PDCD6: variants seen among roughly 807,000 people sequenced by gnomAD.
PDCD6 encodes programmed cell death protein 6.
In PDCD6, 12 loss-of-function variants were observed where a neutral mutation model predicts 28.3. The ratio of observed to expected loss-of-function variants is 0.42; its 90% CI spans 0.27 to 0.69. The LOEUF (loss-of-function observed/expected upper bound fraction) is 0.69, where lower values mean the gene tolerates loss of function less well. Among genes scored for constraint, PDCD6 ranks in the 30% least tolerant of loss-of-function variants. The probability of loss-of-function intolerance (pLI) is 0.22; values close to 1 mark genes in which losing one functional copy is unlikely to be tolerated. For synonymous variants in PDCD6, 92 were observed against 108.0 expected (o/e 0.85, Z 0.92); for missense variants, 226 against 269.9 (o/e 0.84, Z 1.14).
At chr5:294,038 A>G (rs1239634187) in intron 2 of PDCD6, among the ~76,000 whole-genome samples, 2 of 148,934 alleles carry the variant, frequency 1.3e-5, no homozygotes, top group Non-Finnish European at 2.9e-5. Flanking sequence ...GCCATGGCTG[A>G]CACAAAATGT....
At chr5:272,064 C>T (rs981522615) in intron 1 of PDCD6, among the ~76,000 whole-genome samples, 4 of 151,516 alleles carry the variant, frequency 2.6e-5, no homozygotes, top group African/African-American at 7.3e-5. Flanking sequence ...GCCCGGTCTC[C>T]TGGGGCCGCC....
At chr5:282,086 G>A (rs1738607610) in intron 2 of PDCD6, among the ~76,000 whole-genome samples, 1 of 151,218 alleles carries the variant, frequency 6.6e-6, no homozygotes, top group African/African-American at 2.4e-5. Context: ...TGAAGATTCA[G>A]GGAGGAACTG....
chr5:277,819 G>A (rs1387409789), intron 2 of PDCD6, among the ~76,000 whole-genome samples: 1 of 151,546 alleles, frequency 6.6e-6, no homozygotes, highest in Non-Finnish European at 1.5e-5. Flanking sequence ...GGAGGCTGAG[G>A]CGTGAGAATC....
intron 4 of PDCD6, chr5:308,224 G>A (rs1338919801): frequency 6.6e-6 from 1 of 152,280 alleles, no homozygotes; most frequent in East Asian, 1.9e-4. Context: ...GTCAGGCCCT[G>A]GAGCTCCCTT....
intron 2 of PDCD6, chr5:289,815 C>T: frequency 7.9e-7 from 1 of 1,267,550 alleles, no homozygotes; most frequent in South Asian, 1.2e-5. Context: ...GTGTCCCAGG[C>T]CCATTTACAT....
At chr5:309,292 C>G (rs887656153) in intron 4 of PDCD6, 3 of 155,470 alleles carry the variant, frequency 1.9e-5, no homozygotes, top group African/African-American at 7.2e-5. Flanking sequence ...CTCATGTGGA[C>G]TGACTTTCAT....
At chr5:277,174 G>A (rs1252998020) in intron 2 of PDCD6, among the ~76,000 whole-genome samples, 1 of 152,140 alleles carries the variant, frequency 6.6e-6, no homozygotes, top group Non-Finnish European at 1.5e-5. Context: ...CGCCCAGGCT[G>A]GAGTGCAGTG....
chr5:300,109 C>G (rs1028135662), intron 2 of PDCD6, among the ~76,000 whole-genome samples: 1 of 152,202 alleles, frequency 6.6e-6, no homozygotes, highest in Non-Finnish European at 1.5e-5. Context: ...AAACCCTGCA[C>G]GTTCCCAGGA....
At chr5:310,408 T>C (rs1435263584) in intron 4 of PDCD6, 1 of 152,476 alleles carries the variant, frequency 6.6e-6, no homozygotes, top group Non-Finnish European at 1.5e-5. Flanking sequence ...AGAGAGTAGG[T>C]GCACACGTCC....
In PDCD6 at chr5:272,779, G is replaced by A. The variant is rs1346227377; in HGVS notation, c.163+7G>A. ...CAGCAAGCTCTCTCCAACGGTGAGTGGGCCAGTGGGAACTGGGTCTCCGGA... is the reference window on the plus strand; with the variant it reads ...CAGCAAGCTCTCTCCAACGGTGAGTAGGCCAGTGGGAACTGGGTCTCCGGA... On this transcript the variant is annotated splice_region_variant and intron_variant, in intron 2 of 5. Transcript: ENST00000264933. The A allele has an allele frequency of 1.9e-6, 3 of 1,576,758 alleles. No homozygotes were observed. The highest frequency in any genetic ancestry group is 1.7e-5 in the Admixed American group (1 of 57,516).
At chr5:295,712 C>G (rs1396253773) in intron 2 of PDCD6, among the ~76,000 whole-genome samples, 4,965 of 113,664 alleles carry the variant, frequency 0.044, 106 homozygotes, top group African/African-American at 0.12. Flanking sequence ...ACTCAGGGCC[C>G]GGGGCCTGCT....
intron 2 of PDCD6, among the ~76,000 whole-genome samples, chr5:301,804 T>G (rs1366946447): frequency 7.4e-5 from 11 of 149,474 alleles, no homozygotes; most frequent in African/African-American, 2.7e-4. Context: ...TGCCTCGGGT[T>G]CAGGTGCACC....
chr5:289,330 A>G (rs1739176348), intron 2 of PDCD6: 1 of 552,940 alleles, frequency 1.8e-6, no homozygotes, highest in Non-Finnish European at 3.3e-6. Flanking sequence ...TCTATTATGT[A>G]CAATTCTTTC....
intron 2 of PDCD6, chr5:290,099 C>T (rs1356154960): frequency 4.5e-6 from 7 of 1,572,098 alleles, no homozygotes; most frequent in East Asian, 2.2e-5. Flanking sequence ...GGAATATATT[C>T]GACATTAGGG....
intron 2 of PDCD6, among the ~76,000 whole-genome samples, chr5:283,851 G>A (rs1008580987): frequency 9.3e-5 from 13 of 140,252 alleles, no homozygotes; most frequent in African/African-American, 3.3e-4. Context: ...TGATGTTCTA[G>A]ATTTTGAGGG....
At chr5:281,575 G>T (rs1196092627) in intron 2 of PDCD6, among the ~76,000 whole-genome samples, 1 of 152,052 alleles carries the variant, frequency 6.6e-6, no homozygotes, top group African/African-American at 2.4e-5. Flanking sequence ...AGGAGCTGAT[G>T]TTATTTTAAT....
Position 277,811 on chromosome 5 carries a change from AG to A in PDCD6, c.163+5041del, listed in dbSNP as rs1356609299. 4.0e-5 allele frequency among the ~76,000 whole-genome samples: 6 copies of A among 149,134 alleles called. No homozygotes were observed. In the East Asian group the frequency reaches 1.2e-3, roughly 30 times the overall value. Reference sequence around the variant, plus strand: ...GCGCCTATAATCCCAGCTACTCGGGAGGCTGAGGCGTGAGAATCACTTGAAC... The same window carrying A: ...GCGCCTATAATCCCAGCTACTCGGGAGCTGAGGCGTGAGAATCACTTGAAC... On this transcript the variant is annotated intron_variant, in intron 2 of 5. Transcript: ENST00000264933.
rs1467718552 is a variant in PDCD6 at position 307,852 on chromosome 5, A to G, written c.367+1092A>G. The stretch of plus-strand genomic sequence containing the variant: ...TGCCTTTCTTTCTCTTTTCTTTCTC[A>G]CCTTACGAGCTTGTCCACAGGGCCG... On this transcript the variant is annotated intron_variant, in intron 4 of 5. Transcript: ENST00000264933. This position sits in a 1 kb window ranked among gnomAD's most constrained non-coding sequence, Gnocchi z 6.1. Among the ~76,000 whole-genome samples the G allele has an allele frequency of 6.6e-6, 1 of 151,024 alleles. No homozygotes were observed. The highest frequency in any genetic ancestry group is 1.5e-5 in the Non-Finnish European group (1 of 67,820).
intron 2 of PDCD6, among the ~76,000 whole-genome samples, chr5:280,870 G>T (rs562681710): frequency 4.7e-4 from 72 of 152,322 alleles, no homozygotes; most frequent in African/African-American, 1.7e-3. Flanking sequence ...GCCGTGCTGG[G>T]CACTTTGGGC....
Sources: gnomAD v4.1 joint callset for allele counts (sites outside exome capture counted in the v4.1 genomes callset) on GRCh38, gnomAD v4.1.1 for gene constraint, Gnocchi (gnomAD v3.1) non-coding constraint, MANE v1.5 for transcripts, NCBI Gene and HGNC (gene_info 2026-07-23, HGNC 2026-07-21) for gene names.